The following PCGF2 variants were observed in gnomAD, a reference collection of about 807,000 sequenced individuals.
The protein encoded by PCGF2 is polycomb group ring finger 2.
Under a neutral mutation model 36.1 loss-of-function variants are expected in PCGF2, and 8 were observed. That is an observed-to-expected ratio of 0.22 (90% CI 0.13 to 0.40). The LOEUF is 0.40. Among genes scored for constraint, PCGF2 ranks in the 10% least tolerant of loss-of-function variants. The pLI is 1.00. For missense variants in PCGF2, 436 were observed against 475.9 expected, an observed-to-expected ratio of 0.92 and a Z score of 0.78; for synonymous variants, 198 against 191.2, an observed-to-expected ratio of 1.04 and a Z score of -0.29.
chr17:38,735,087 A>ATATT lies in PCGF2; in HGVS notation c.*132_*135dup, dbSNP rs1226260132. On this transcript the variant is annotated 3_prime_UTR_variant, in exon 11 of 11. Transcript: ENST00000620225. ...GTTTTTCCTATGTACATATATATAT[A>ATATT]TATTTATTTATAAAACCCGCCCCCC... 4.3e-5 allele frequency: 22 copies of ATATT among 516,510 alleles called. No homozygotes were observed. Among genetic ancestry groups the ATATT allele is most frequent in the Non-Finnish European group, 6.8e-5 (21 of 308,858 alleles). 32.0% of individuals were successfully genotyped at this position (516,510 alleles called of 1,614,324 possible). A position where few individuals can be genotyped will look rare whatever the true frequency, so the allele number is the denominator to read the frequency against.
chr17:38,736,807 C>T (rs1906791375), intron 9 of PCGF2, among the ~76,000 whole-genome samples: 1 of 151,856 alleles, frequency 6.6e-6, no homozygotes, highest in Non-Finnish European at 1.5e-5. Context: ...GAACTCCAGC[C>T]TGGGCGACAG....
intron 2 of PCGF2, among the ~76,000 whole-genome samples, chr17:38,744,357 CTT>C (rs959325544): frequency 6.7e-6 from 1 of 149,974 alleles, no homozygotes; most frequent in Non-Finnish European, 1.5e-5. Context: ...CTCTCTCTCT[CTT>C]TTTTTTTTCT....
intron 2 of PCGF2, among the ~76,000 whole-genome samples, chr17:38,741,926 C>T (rs1053726973): frequency 3.3e-5 from 5 of 152,022 alleles, no homozygotes; most frequent in African/African-American, 1.2e-4. Flanking sequence ...ATGCAGGAAT[C>T]CCCCCCACAT....
At chr17:38,749,293 G>T (rs1223668204), upstream of PCGF2, 1 of 205,844 alleles carries the variant, frequency 4.9e-6, no homozygotes, top group African/African-American at 2.4e-5. The surrounding 1 kb of genome is among the most constrained non-coding windows in gnomAD (Gnocchi z 6.5). Flanking sequence ...CTCCCTGGGC[G>T]CGCGGGCGGG....
At chr17:38,747,385 G>A (rs1372011534) in intron 2 of PCGF2, among the ~76,000 whole-genome samples, 4 of 152,172 alleles carry the variant, frequency 2.6e-5, no homozygotes, top group Admixed American at 6.5e-5. Context: ...GAAATATTGC[G>A]ATAAATTTCC....
chr17:38,744,497 A>G (rs1482077939), intron 2 of PCGF2, among the ~76,000 whole-genome samples: 1 of 152,180 alleles, frequency 6.6e-6, no homozygotes, highest in Admixed American at 6.5e-5. Context: ...CTGGGAATAC[A>G]GGCGTGTGCC....
At chr17:38,743,422 G>A (rs1419476742) in intron 2 of PCGF2, among the ~76,000 whole-genome samples, 1 of 151,552 alleles carries the variant, frequency 6.6e-6, no homozygotes, top group Non-Finnish European at 1.5e-5. Context: ...CCCCACAGCC[G>A]AGAGCCCCAC....
intron 2 of PCGF2, 34 bp from the exon 3 acceptor site, chr17:38,740,476 T>C (rs755149894): frequency 8.7e-5 from 131 of 1,507,256 alleles, no homozygotes; most frequent in Non-Finnish European, 1.1e-4. Flanking sequence ...AAACCCAGAG[T>C]TGGCCGGGCG....
At chr17:38,740,592 T>C (rs576400891) in intron 2 of PCGF2, 150 bp from the exon 3 acceptor site, 2 of 569,762 alleles carry the variant, frequency 3.5e-6, no homozygotes, top group African/African-American at 3.9e-5. Flanking sequence ...ACCCCATCTC[T>C]ACTAAAAATA....
intron 9 of PCGF2, among the ~76,000 whole-genome samples, chr17:38,737,847 G>T (rs1264563662): frequency 6.6e-6 from 1 of 151,096 alleles, no homozygotes; most frequent in Non-Finnish European, 1.5e-5. Context: ...GGTAGGCGGA[G>T]GTTGCAGTGA....
At chr17:38,748,953 G>A (rs1218669118), upstream of PCGF2, among the ~76,000 whole-genome samples, 3 of 152,128 alleles carry the variant, frequency 2.0e-5, no homozygotes, top group Non-Finnish European at 4.4e-5. Context: ...GGCGCACCAG[G>A]ATCCAGCCTG....
At chr17:38,735,970 T>G in intron 10 of PCGF2, 120 bp downstream of exon 10, 2 of 741,178 alleles carry the variant, frequency 2.7e-6, no homozygotes, top group South Asian at 3.2e-5. Flanking sequence ...ACCCTGGACA[T>G]GCAGCTCATG....
In PCGF2 at chr17:38,739,362, G is replaced by A. The variant is rs766182194; in HGVS notation, c.210-109C>T. 2.3e-5 allele frequency: 24 copies of A among 1,062,972 alleles called. No homozygotes were observed. Among genetic ancestry groups the A allele is most frequent in the South Asian group, 1.0e-4 (8 of 77,948 alleles). 65.8% of individuals were successfully genotyped at this position (1,062,972 alleles called of 1,614,324 possible). On this transcript the variant is annotated intron_variant, in intron 4 of 10. Coordinates refer to ENST00000620225, the MANE Select transcript of PCGF2 (RefSeq NM_007144.3). This position sits in a 1 kb window ranked among gnomAD's most constrained non-coding sequence, Gnocchi z 4.0. ...CTCTTCCCACCCCCTTCCTGAGACC[G>A]GTGCCCAGGCATTAGGATCCCTGTG... is the stretch of plus-strand genomic sequence containing the variant.
At chr17:38,741,430 C>T (rs1907194891) in intron 2 of PCGF2, among the ~76,000 whole-genome samples, 1 of 152,230 alleles carries the variant, frequency 6.6e-6, no homozygotes, top group South Asian at 2.1e-4. Context: ...TATCCTTACT[C>T]CCTCAACCCC....
Position 38,735,504 on chromosome 17 carries a change from C to T in PCGF2, c.754G>A (p.Gly252Arg), listed in dbSNP as rs114574378. The T allele has an allele frequency of 3.1e-6, 5 of 1,592,594 alleles. No homozygotes were observed. The highest frequency in any genetic ancestry group is 2.7e-5 in the African/African-American group (2 of 74,426). ...PTPSEGTNTS[G>R]ASECESVSDK... ...CTGACTGACTCACACTCGGACGCCC[C>T]GCTGGTGTTGGTGCCCTCGGAGGGG... The change falls in exon 11 of 11, where the codon GGG becomes AGG. Residue 252 changes from glycine to arginine, a missense_variant. Transcript: ENST00000620225.
At chr17:38,748,522 C>CGGCCGCTCCCCGCCACCGGCTGCCGG (rs1907713138), upstream of PCGF2, 1 of 152,222 alleles carries the variant, frequency 6.6e-6, no homozygotes. Context: ...GAGGCTGGCG[C>CGGCCGCTCCCCGCCACCGGCTGCCGG]GGCCGCTCCC....
At chr17:38,736,708 T>C (rs992646899) in intron 9 of PCGF2, among the ~76,000 whole-genome samples, 16 of 151,682 alleles carry the variant, frequency 1.1e-4, no homozygotes, top group South Asian at 6.3e-4. Context: ...GTGGCGGGTG[T>C]CTGTAGTCCC....
In PCGF2 at chr17:38,735,046, T is replaced by C. The variant is rs1906572067; in HGVS notation, c.*177A>G. On this transcript the variant is annotated 3_prime_UTR_variant, in exon 11 of 11. Coordinates refer to ENST00000620225, the MANE Select transcript of PCGF2 (RefSeq NM_007144.3). ...ATTAATCTGGTTGGTCCATAGAAAA[T>C]AAGTATGTATATTTGGTTTTTCCTA... The C allele has an allele frequency of 9.5e-6, 4 of 419,336 alleles. No homozygotes were observed. The highest frequency in any genetic ancestry group is 4.1e-5 in the African/African-American group (2 of 48,648). The allele number at this position is 419,336 out of a possible 1,614,324, so 26.0% of individuals were successfully genotyped here. A position where few individuals can be genotyped will look rare whatever the true frequency, so the allele number is the denominator to read the frequency against.
intron 2 of PCGF2, 103 bp from the exon 3 acceptor site, chr17:38,740,545 G>A: frequency 2.7e-6 from 2 of 747,360 alleles, no homozygotes; most frequent in Non-Finnish European, 4.3e-6. Context: ...GGATCACGAG[G>A]TCAGGAGATT....
Sources: gnomAD v4.1 joint callset for allele counts (sites outside exome capture counted in the v4.1 genomes callset) on GRCh38, gnomAD v4.1.1 for gene constraint, Gnocchi (gnomAD v3.1) non-coding constraint, MANE v1.5 for transcripts, NCBI Gene and HGNC (gene_info 2026-07-23, HGNC 2026-07-21) for gene names.